Variants in ABCC4 observed in about 807,000 individuals in gnomAD.
ABCC4 encodes the protein ATP binding cassette subfamily C member 4 (PEL blood group), also known as ATP-binding cassette sub-family C member 4.
A neutral mutation model predicts 168.5 loss-of-function variants in ABCC4; 102 were observed. That is an observed-to-expected ratio of 0.61 (90% CI 0.52 to 0.71). The LOEUF is 0.71. Among genes scored for constraint, ABCC4 ranks in the 30% least tolerant of loss-of-function variants. ABCC4 has a pLI of 0.00. For missense variants in ABCC4, 1,402 were observed against 1,605.8 expected (o/e 0.87, Z 2.17); for synonymous variants, 617 against 590.7 (o/e 1.04, Z -0.65).
chr13:95,276,485 C>T lies in ABCC4; in HGVS notation c.74+24756G>A, dbSNP rs138983720. On this transcript the variant is annotated intron_variant, in intron 1 of 30. Transcript: ENST00000645237. ...TCATACCACTGCACACTAGCCTAGG[C>T]GACAGAGTGAGACCCTGCCTCAAAA... Among the ~76,000 whole-genome samples the T allele has an allele frequency of 9.4e-4, 135 of 144,212 alleles. 1 individual carries two copies. The East Asian group carries it at 0.018, about 19-fold the overall frequency. The allele number at this position is 144,212 out of a possible 152,430, so 94.6% of individuals were successfully genotyped here.
intron 19 of ABCC4, among the ~76,000 whole-genome samples, chr13:95,128,561 A>G (rs2035860859): frequency 6.6e-6 from 1 of 152,220 alleles, no homozygotes. Flanking sequence ...CTGAAAAAGT[A>G]AAGAGCTGGA....
chr13:95,257,678 GAAAA>G, intron 1 of ABCC4, among the ~76,000 whole-genome samples: 1 of 150,180 alleles, frequency 6.7e-6, no homozygotes, highest in Middle Eastern at 3.4e-3. Flanking sequence ...AAAAAAGAAA[GAAAA>G]AGAAAAAAAA....
chr13:95,208,137 G>A (rs1207252625), intron 6 of ABCC4, among the ~76,000 whole-genome samples: 1 of 152,178 alleles, frequency 6.6e-6, no homozygotes, highest in Admixed American at 6.5e-5. Context: ...TGGAGAATTT[G>A]TAATATCTGC....
At chr13:95,215,846 AAG>A (rs2039095468) in intron 4 of ABCC4, among the ~76,000 whole-genome samples, 1 of 152,232 alleles carries the variant, frequency 6.6e-6, no homozygotes, top group Non-Finnish European at 1.5e-5. Context: ...TTTTGGCTTT[AAG>A]GACTTTGCAT....
At chr13:95,280,868 G>C (rs937416765) in intron 1 of ABCC4, among the ~76,000 whole-genome samples, 1 of 151,992 alleles carries the variant, frequency 6.6e-6, no homozygotes, top group African/African-American at 2.4e-5. Flanking sequence ...CAAGGAGAGG[G>C]GAAGAGATCC....
At chr13:95,184,953 C>T (rs2038011057) in intron 11 of ABCC4, among the ~76,000 whole-genome samples, 1 of 152,174 alleles carries the variant, frequency 6.6e-6, no homozygotes, top group African/African-American at 2.4e-5. Context: ...CTTGTATATT[C>T]TCCTACTTTG....
chr13:95,120,546 G>C (rs1031333303), intron 19 of ABCC4, among the ~76,000 whole-genome samples: 2 of 148,248 alleles, frequency 1.3e-5, no homozygotes, highest in Non-Finnish European at 3.0e-5. Flanking sequence ...CTCCAGGCTG[G>C]GCGACAGAAC....
intron 4 of ABCC4, among the ~76,000 whole-genome samples, chr13:95,225,390 C>T (rs1439260931): frequency 1.3e-5 from 2 of 152,186 alleles, no homozygotes; most frequent in Non-Finnish European, 2.9e-5. Context: ...CGATTTATGG[C>T]CGGGCACAGT....
chr13:95,098,134 TAAAA>T (rs66704412), intron 20 of ABCC4, among the ~76,000 whole-genome samples: 1 of 114,120 alleles, frequency 8.8e-6, no homozygotes. Context: ...AGATACTGTC[TAAAA>T]AAAAAAAAAA....
intron 26 of ABCC4, chr13:95,053,560 C>A (rs1231129173): frequency 5.6e-6 from 1 of 179,250 alleles, no homozygotes; most frequent in African/African-American, 2.4e-5. Flanking sequence ...TCATGTAATA[C>A]TGGAAAATAC....
At position 95,082,904 on chromosome 13, in the gene ABCC4, C is replaced by T. The variant is rs1417622717; in HGVS notation, c.2686+236G>A. Among the ~76,000 whole-genome samples, 4 of 152,292 alleles carry T rather than the reference C, an allele frequency of 2.6e-5. No homozygotes were observed. In the East Asian group the frequency reaches 5.8e-4, roughly 22 times the overall value. Reference sequence around the variant, plus strand: ...GTGCTGACATTCCTGTAGAATATTACTCCCCATATGGCCTTCACTCCTTCC... The same window carrying T: ...GTGCTGACATTCCTGTAGAATATTATTCCCCATATGGCCTTCACTCCTTCC... On this transcript the variant is annotated intron_variant, in intron 21 of 30. Transcript: ENST00000645237.
intron 29 of ABCC4, 171 bp downstream of exon 29, chr13:95,043,511 G>A (rs1343233773): frequency 3.8e-6 from 2 of 522,598 alleles, no homozygotes; most frequent in East Asian, 5.7e-5. Flanking sequence ...TGGATATATT[G>A]TTAGTAGCAC....
At chr13:95,129,801 G>A (rs1005821946) in intron 19 of ABCC4, among the ~76,000 whole-genome samples, 7 of 152,016 alleles carry the variant, frequency 4.6e-5, no homozygotes, top group Admixed American at 6.5e-5. Context: ...CAGGCCAGGC[G>A]CAGTGGCTCA....
intron 1 of ABCC4, among the ~76,000 whole-genome samples, chr13:95,293,733 G>A (rs1242240045): frequency 1.3e-5 from 2 of 151,200 alleles, no homozygotes; most frequent in African/African-American, 2.4e-5. Flanking sequence ...CCAAAGTGCT[G>A]GGATTACAGG....
chr13:95,192,702 G>A (rs2038293812), intron 9 of ABCC4, among the ~76,000 whole-genome samples: 1 of 152,124 alleles, frequency 6.6e-6, no homozygotes, highest in African/African-American at 2.4e-5. Context: ...CAGATCACTT[G>A]AGGCCAGAAA....
chr13:95,042,528 A>G (rs2032405376), intron 29 of ABCC4, among the ~76,000 whole-genome samples: 1 of 152,226 alleles, frequency 6.6e-6, no homozygotes, highest in Non-Finnish European at 1.5e-5. Context: ...GGCCAACTGT[A>G]AATTGCTTTG....
intron 20 of ABCC4, among the ~76,000 whole-genome samples, chr13:95,099,460 A>G (rs988874381): frequency 6.6e-6 from 1 of 152,158 alleles, no homozygotes; most frequent in Non-Finnish European, 1.5e-5. Flanking sequence ...CCTAAAAAAA[A>G]CTGTCGATTT....
intron 1 of ABCC4, among the ~76,000 whole-genome samples, chr13:95,281,697 C>T (rs1315715341): frequency 1.3e-5 from 2 of 152,144 alleles, no homozygotes; most frequent in Non-Finnish European, 2.9e-5. Context: ...ACAGAGGACA[C>T]ATTACTGCCC....
At chr13:95,144,799 T>C (rs2036435909) in intron 19 of ABCC4, among the ~76,000 whole-genome samples, 1 of 152,094 alleles carries the variant, frequency 6.6e-6, no homozygotes, top group South Asian at 2.1e-4. Flanking sequence ...AAAATGGCCA[T>C]ACTGCCCAGA....
Sources: gnomAD v4.1 joint callset for allele counts (sites outside exome capture counted in the v4.1 genomes callset) on GRCh38, gnomAD v4.1.1 for gene constraint, MANE v1.5 for transcripts, NCBI Gene and HGNC (gene_info 2026-07-23, HGNC 2026-07-21) for gene names.